Variants in CDH17 observed in about 807,000 individuals in gnomAD.
The protein encoded by CDH17 is cadherin-17.
CDH17 carries 67 observed loss-of-function variants against 86.3 expected under a neutral mutation model. That is an observed-to-expected ratio of 0.78 (90% CI 0.64 to 0.95). The LOEUF (loss-of-function observed/expected upper bound fraction) is 0.95, where lower values mean the gene tolerates loss of function less well. Among genes scored for constraint, CDH17 ranks in the 40% least tolerant of loss-of-function variants. CDH17 has a pLI of 0.00. For synonymous variants in CDH17, 367 were observed against 366.4 expected, an observed-to-expected ratio of 1.00 and a Z score of -0.02; for missense variants, 993 against 1,017.6, an observed-to-expected ratio of 0.98 and a Z score of 0.33.
rs1813842842 is a variant in CDH17, at chr8:94,199,052, TA to T, written c.-20-4348del. Reference sequence around the variant, plus strand: ...CAGTTCTGATTGATATATATATATATATATATATATATATATATATATATAT... The same window carrying T: ...CAGTTCTGATTGATATATATATATATTATATATATATATATATATATATAT... On this transcript the variant is annotated intron_variant, in intron 1 of 17. Coordinates refer to ENST00000027335, the MANE Select transcript of CDH17 (RefSeq NM_004063.4). 2.3e-4 allele frequency among the ~76,000 whole-genome samples: 5 copies of T among 21,284 alleles called. 1 individual carries two copies. Among genetic ancestry groups the T allele is most frequent in the African/African-American group, 4.6e-4 (2 of 4,364 alleles). The allele number at this position is 21,284 out of a possible 152,430, so 14.0% of individuals were successfully genotyped here.
At chr8:94,177,240 C>CA (rs1022719472) in intron 4 of CDH17, among the ~76,000 whole-genome samples, 38 of 152,254 alleles carry the variant, frequency 2.5e-4, no homozygotes, top group African/African-American at 8.7e-4. Context: ...TCATGGGTCC[C>CA]AAGCCAATGC....
At chr8:94,176,185 C>G (rs373458877) in intron 5 of CDH17, among the ~76,000 whole-genome samples, 13 of 152,200 alleles carry the variant, frequency 8.5e-5, no homozygotes, top group South Asian at 8.3e-4. Flanking sequence ...GATTTTGTGC[C>G]CTCCACCCAC....
In CDH17 at chr8:94,185,276, T is replaced by TACACACACAC. The variant is rs71277462; in HGVS notation, c.150+3901_150+3910dup. On this transcript the variant is annotated intron_variant, in intron 3 of 17. Coordinates refer to ENST00000027335, the MANE Select transcript of CDH17 (RefSeq NM_004063.4). ...ATCCCAACCCCACACCCTACCCCAATACACACACACACACACACACACACA... is the reference window on the plus strand; with the variant it reads ...ATCCCAACCCCACACCCTACCCCAATACACACACACACACACACACACACACACACACACA... Among the ~76,000 whole-genome samples the TACACACACAC allele has an allele frequency of 1.8e-3, 248 of 136,856 alleles. 1 individual carries two copies. Among genetic ancestry groups the TACACACACAC allele is most frequent in the African/African-American group, 6.2e-3 (237 of 38,102 alleles). 89.8% of individuals were successfully genotyped at this position (136,856 alleles called of 152,430 possible).
chr8:94,177,620 C>A lies in CDH17; in HGVS notation c.252G>T (p.Leu84Phe). Residue 84 changes from leucine to phenylalanine, a missense_variant, in exon 4 of 18, where the codon TTG becomes TTT. Physicochemically the swap from Leu to Phe is conservative, Grantham distance 22 (BLOSUM62 0). Coordinates refer to ENST00000027335, the MANE Select transcript of CDH17 (RefSeq NM_004063.4). ...REGLLYYNRALDRETRSTHNL... is the reference protein window; with the variant it reads ...REGLLYYNRAFDRETRSTHNL... The stretch of plus-strand genomic sequence containing the variant: ...TGTGAGTAGATCTTGTTTCCCTGTC[C>A]AAGGCTCTGTTGTAATACAGAAGTC... 1 of 1,613,622 alleles carries A rather than the reference C, an allele frequency of 6.2e-7. No individual in the cohort carries two copies. Among genetic ancestry groups the A allele is most frequent in the Non-Finnish European group, 8.5e-7 (1 of 1,179,738 alleles).
At position 94,174,157 on chromosome 8, in the gene CDH17, A is replaced by G. The variant is rs201485647; in HGVS notation, c.528T>C (p.Asn176=). 3 of 1,613,696 alleles carry G rather than the reference A, an allele frequency of 1.9e-6. No homozygotes were observed. The highest frequency in any genetic ancestry group is 1.7e-5 in the Admixed American group (1 of 59,998). ...TGTTGTTGATCTGAAAGTACATGAC[A>G]TTGTTGATCATGGGAAGCTGGATGA... ...QIVIQLPMIN[N]VMYFQINNKT... is the part of the protein sequence containing the mutation. Residue 176 remains asparagine, a synonymous_variant, in exon 6 of 18, where the codon AAT becomes AAC. Coordinates refer to ENST00000027335, the MANE Select transcript of CDH17 (RefSeq NM_004063.4).
At chr8:94,213,224 G>A (rs963400830), upstream of CDH17, among the ~76,000 whole-genome samples, 13 of 152,072 alleles carry the variant, frequency 8.5e-5, no homozygotes, top group African/African-American at 2.9e-4. Flanking sequence ...CTCCTGCCTC[G>A]GTCTCCCAAA....
Position 94,146,132 on chromosome 8 carries a change from G to C in CDH17, c.1963C>G (p.Leu655Val), listed in dbSNP as rs949684390. Residue 655 changes from leucine to valine, a missense_variant, in exon 15 of 18, where the codon CTG becomes GTG. Transcript: ENST00000027335. ...TTGTCATTCACATCCATAAGGATCAGGTGGAACTCTGACACAGAGCTCAAG... is the reference window on the plus strand; with the variant it reads ...TTGTCATTCACATCCATAAGGATCACGTGGAACTCTGACACAGAGCTCAAG... ...SSLSSVSEFH[L>V]ILMDVNDNPP... 3.1e-6 allele frequency: 5 copies of C among 1,600,046 alleles called. No individual in the cohort carries two copies. The South Asian group carries it at 5.6e-5, about 18-fold the overall frequency.
chr8:94,187,395 G>T (rs898425361), intron 3 of CDH17, among the ~76,000 whole-genome samples: 5 of 152,214 alleles, frequency 3.3e-5, no homozygotes, highest in Admixed American at 3.3e-4. Context: ...AGCAGGGATG[G>T]AGTCGGGGTC....
chr8:94,153,463 A>G (rs1426690708), intron 12 of CDH17, among the ~76,000 whole-genome samples: 1 of 152,212 alleles, frequency 6.6e-6, no homozygotes, highest in Non-Finnish European at 1.5e-5. Context: ...GGAAACTCAA[A>G]CAATTAAAAA....
At chr8:94,180,958 A>G (rs1813472464) in intron 3 of CDH17, among the ~76,000 whole-genome samples, 1 of 151,808 alleles carries the variant, frequency 6.6e-6, no homozygotes, top group African/African-American at 2.4e-5. Context: ...AAAAAAAAAA[A>G]AACAAAGTGC....
chr8:94,211,007 C>A (rs1343266017), upstream of CDH17, among the ~76,000 whole-genome samples: 6 of 127,642 alleles, frequency 4.7e-5, no homozygotes, highest in Admixed American at 9.2e-5. Context: ...GCCGACAGAG[C>A]AAGACTGCAT....
intron 3 of CDH17, among the ~76,000 whole-genome samples, chr8:94,182,379 A>G (rs531964953): frequency 6.6e-6 from 1 of 152,296 alleles, no homozygotes; most frequent in East Asian, 1.9e-4. Context: ...CCAATGAAAT[A>G]CTAGCAAACT....
chr8:94,160,809 C>T (rs546765406), intron 11 of CDH17, among the ~76,000 whole-genome samples: 5 of 152,160 alleles, frequency 3.3e-5, no homozygotes, highest in Non-Finnish European at 7.3e-5. Flanking sequence ...AAACACCTTA[C>T]GGAGTAGTTA....
At chr8:94,162,535 T>G (rs1813075350) in intron 10 of CDH17, among the ~76,000 whole-genome samples, 1 of 152,210 alleles carries the variant, frequency 6.6e-6, no homozygotes, top group African/African-American at 2.4e-5. Flanking sequence ...AAACTGTCCT[T>G]CCAGAAAGCC....
intron 12 of CDH17, among the ~76,000 whole-genome samples, chr8:94,158,339 G>C (rs1812984034): frequency 6.6e-6 from 1 of 152,080 alleles, no homozygotes; most frequent in Non-Finnish European, 1.5e-5. Flanking sequence ...TTGTGAGGGA[G>C]GATACTTACA....
rs144007824 is a variant in CDH17, at chr8:94,176,590, C to T, written c.375G>A (p.Thr125=). ...AGCCTTCGTACTTTGACTGGAGAAA[C>T]GTGGGTCGATTGTCGTTGATGTCCT... is the stretch of plus-strand genomic sequence containing the variant. The part of the protein sequence containing the change: ...KVKDINDNRP[T]FLQSKYEGSV... Residue 125 remains threonine (T), a synonymous_variant, in exon 5 of 18, where the codon ACG becomes ACA. Transcript: ENST00000027335. The T allele has an allele frequency of 5.5e-4, 889 of 1,613,784 alleles. 6 individuals are homozygous for T. The African/African-American group carries it at 0.01, about 18-fold the overall frequency.
upstream of CDH17, among the ~76,000 whole-genome samples, chr8:94,210,140 C>T (rs1239788778): frequency 6.8e-6 from 1 of 146,548 alleles, no homozygotes; most frequent in African/African-American, 2.5e-5. Context: ...AGAATCGGGA[C>T]TGCAACCCTG....
chr8:94,195,202 C>A (rs1431619412), intron 1 of CDH17, among the ~76,000 whole-genome samples: 1 of 152,188 alleles, frequency 6.6e-6, no homozygotes, highest in African/African-American at 2.4e-5. Context: ...AGGATTTCAC[C>A]ATGGTGACCA....
intron 2 of CDH17, among the ~76,000 whole-genome samples, chr8:94,189,573 A>T (rs927050090): frequency 5.3e-5 from 8 of 152,278 alleles, no homozygotes; most frequent in Non-Finnish European, 1.5e-5. Context: ...AAGCTTAAAA[A>T]GGTTAACACA....
Sources: gnomAD v4.1 joint callset for allele counts (sites outside exome capture counted in the v4.1 genomes callset) on GRCh38, gnomAD v4.1.1 for gene constraint, MANE v1.5 for transcripts, NCBI Gene and HGNC (gene_info 2026-07-23, HGNC 2026-07-21) for gene names.